Variants in SGCA observed in about 807,000 individuals in gnomAD.
SGCA encodes the protein alpha-sarcoglycan.
A neutral mutation model predicts 38.1 loss-of-function variants in SGCA; 34 were observed. That is an observed-to-expected ratio of 0.89 (90% CI 0.68 to 1.19). The LOEUF is 1.19. Ranked by LOEUF, SGCA falls within the 50% of genes most tolerant of loss-of-function variation. SGCA has a pLI of 0.00. For missense variants in SGCA, 476 were observed against 524.9 expected, an observed-to-expected ratio of 0.91 and a Z score of 0.91; for synonymous variants, 209 against 214.6, an observed-to-expected ratio of 0.97 and a Z score of 0.23.
intron 5 of SGCA, 135 bp from the exon 6 acceptor site, chr17:50,168,957 T>C (rs1905151239): frequency 1.2e-6 from 1 of 802,646 alleles, no homozygotes; most frequent in Admixed American, 1.9e-5. Context: ...CCCTTAATCC[T>C]CCCTCTTAGG....
In SGCA at chr17:50,166,021, G is replaced by A. The variant is rs1437960037; in HGVS notation, c.-20G>A. 1.2e-6 allele frequency: 2 copies of A among 1,610,980 alleles called. No homozygotes were observed. The highest frequency in any genetic ancestry group is 1.7e-6 in the Non-Finnish European group (2 of 1,177,442). ...GCCCCCTGTCTCTGTCACTCACCGGGCGGGCCAGGCCGGGCAGCCATGGCT... is the reference window on the plus strand; with the variant it reads ...GCCCCCTGTCTCTGTCACTCACCGGACGGGCCAGGCCGGGCAGCCATGGCT... On this transcript the variant is annotated 5_prime_UTR_variant, in exon 1 of 10. Coordinates refer to ENST00000262018, the MANE Select transcript of SGCA (RefSeq NM_000023.4).
In SGCA at chr17:50,169,142, T is replaced by C; in HGVS notation, c.635T>C (p.Met212Thr). 4 of 1,614,000 alleles carry C rather than the reference T, an allele frequency of 2.5e-6. No homozygotes were observed. The highest frequency in any genetic ancestry group is 1.7e-5 in the Admixed American group (1 of 60,008). ...SASPFSTCLK[M>T]VASPDSHARC... The stretch of plus-strand genomic sequence containing the variant: ...TCACCTTTTTCTACTTGCCTGAAGA[T>C]GGTGGCATCCCCCGATAGCCACGCC... Residue 212 changes from methionine (M) to threonine (T), a missense_variant, in exon 6 of 10, where the codon ATG (methionine) becomes ACG (threonine). Physicochemically the swap from Met to Thr is moderately conservative, Grantham distance 81. Transcript: ENST00000262018.
Position 50,169,122 on chromosome 17 carries a change from T to C in SGCA, c.615T>C (p.Pro205=). The C allele has an allele frequency of 6.2e-7, 1 of 1,613,676 alleles. No homozygotes were observed. ...ACATTAAGGTGGGTTCTGCCTCACC[T>C]TTTTCTACTTGCCTGAAGATGGTGG... is the stretch of plus-strand genomic sequence containing the variant. The part of the protein sequence containing the change: ...GVYIKVGSAS[P]FSTCLKMVAS... The change falls in exon 6 of 10, where the codon CCT becomes CCC. Residue 205 remains proline (P), a synonymous_variant. Coordinates refer to ENST00000262018, the MANE Select transcript of SGCA (RefSeq NM_000023.4).
intron 8 of SGCA, 37 bp from the exon 9 acceptor site, chr17:50,175,220 A>G: frequency 6.4e-7 from 1 of 1,567,972 alleles, no homozygotes; most frequent in Non-Finnish European, 8.6e-7. Flanking sequence ...AGGGCAGCTG[A>G]CTCCCAGAGC....
chr17:50,173,405 G>T (rs1382629901), intron 8 of SGCA, among the ~76,000 whole-genome samples: 2 of 149,420 alleles, frequency 1.3e-5, no homozygotes, highest in African/African-American at 4.9e-5. Context: ...CCACGTGTGT[G>T]TGTGTCTGTG....
rs138800403 is a variant in SGCA, at chr17:50,175,746, T to TC, written c.*48dup. The TC allele has an allele frequency of 2.7e-4, 156 of 582,512 alleles. 2 individuals carry two copies. Among genetic ancestry groups the TC allele is most frequent in the African/African-American group, 2.6e-3 (143 of 54,428 alleles). 36.1% of individuals were successfully genotyped at this position (582,512 alleles called of 1,614,324 possible). On this transcript the variant is annotated 3_prime_UTR_variant, in exon 10 of 10. Transcript: ENST00000262018. ...GTCCAGCCCTGACTTCATCCTCCCT[T>TC]CTCTGTCCACACCACGAGTGGCACA... is the stretch of plus-strand genomic sequence containing the variant.
chr17:50,167,901 C>T lies in SGCA; in HGVS notation c.313-46C>T, dbSNP rs772395882. On this transcript the variant is annotated intron_variant, in intron 3 of 9. Coordinates refer to ENST00000262018, the MANE Select transcript of SGCA (RefSeq NM_000023.4). This position sits in a 1 kb window ranked among gnomAD's most constrained non-coding sequence, Gnocchi z 4.5. ...CTCCTGCCAGGCCCCCGCTGTGCCA[C>T]GTTTCTCCCCTAACCCACTTCTCAG... 19 of 1,591,184 alleles carry T rather than the reference C, an allele frequency of 1.2e-5. No individual in the cohort carries two copies. In the South Asian group the frequency reaches 1.2e-4, roughly 10 times the overall value.
At position 50,168,529 on chromosome 17, in the gene SGCA, C is replaced by A. The variant is rs574376340; in HGVS notation, c.541C>A (p.Arg181Ser). 1.1e-5 allele frequency: 18 copies of A among 1,575,936 alleles called. No homozygotes were observed. In the African/African-American group the frequency reaches 1.9e-4, roughly 17 times the overall value. ...QLLNVTSALD[R>S]GGRVPLPIEG... ...GCTCAACGTCACCTCTGCCTTGGACCGTGGGGGCCGTGTCCCCCTTCCCAT... is the reference window on the plus strand; with the variant it reads ...GCTCAACGTCACCTCTGCCTTGGACAGTGGGGGCCGTGTCCCCCTTCCCAT... The change falls in exon 5 of 10, where the codon CGT (arginine) becomes AGT (serine). Residue 181 changes from arginine (R) to serine (S), a missense_variant. Arg to Ser is a moderately radical substitution (Grantham distance 110). Transcript: ENST00000262018.
rs1555569087 is a variant in SGCA, at chr17:50,169,414, T to TAA, written c.747+161_747+162insAA. The TAA allele has an allele frequency of 6.2e-6, 3 of 481,356 alleles. No homozygotes were observed. In the Admixed American group the frequency reaches 1.0e-4, roughly 17 times the overall value. The allele number at this position is 481,356 out of a possible 1,614,324, so 29.8% of individuals were successfully genotyped here. A position where few individuals can be genotyped will look rare whatever the true frequency, so the allele number is the denominator to read the frequency against. On this transcript the variant is annotated intron_variant, in intron 6 of 9. Coordinates refer to ENST00000262018, the MANE Select transcript of SGCA (RefSeq NM_000023.4). The stretch of plus-strand genomic sequence containing the variant: ...ATTGCCCACAGGCTTAGTCTGAGGA[T>TAA]ACACACACACACACACACACACACA...
chr17:50,170,495 C>T, intron 7 of SGCA, 144 bp downstream of exon 7: 1 of 1,312,556 alleles, frequency 7.6e-7, no homozygotes, highest in East Asian at 2.4e-5. Flanking sequence ...CCTTTCTAGG[C>T]AACTTGGGGC....
At chr17:50,170,695 G>A (rs1905310156) in intron 8 of SGCA, 29 bp downstream of exon 8, 1 of 1,547,592 alleles carries the variant, frequency 6.5e-7, no homozygotes, top group African/African-American at 1.4e-5. Flanking sequence ...GGGGTGGGGT[G>A]GGAGCCCACC....
intron 8 of SGCA, 126 bp downstream of exon 8, chr17:50,170,792 C>G (rs1905321793): frequency 1.2e-6 from 1 of 825,918 alleles, no homozygotes; most frequent in Admixed American, 2.1e-5. Context: ...CACCCCTTCC[C>G]TTGACCTCTG....
At chr17:50,169,055 C>G in intron 5 of SGCA, 37 bp from the exon 6 acceptor site, 2 of 1,607,394 alleles carry the variant, frequency 1.2e-6, no homozygotes, top group Non-Finnish European at 1.7e-6. Context: ...TGCCCCCTGC[C>G]CCCACTCTGC....
chr17:50,167,410 C>T lies in SGCA; in HGVS notation c.80C>T (p.Thr27Met), dbSNP rs565069721. 679 of 1,614,200 alleles carry T rather than the reference C, an allele frequency of 4.2e-4. 7 individuals carry two copies. In the South Asian group the frequency reaches 7.0e-3, roughly 17 times the overall value. Residue 27 changes from threonine to methionine, a missense_variant, in exon 2 of 10, where the codon ACG (threonine) becomes ATG (methionine). Physicochemically the swap from Thr to Met is moderately conservative, Grantham distance 81. Transcript: ENST00000262018. This position sits in a 1 kb window ranked among gnomAD's most constrained non-coding sequence, Gnocchi z 4.5. ...GLGDTEAQQT[T>M]LHPLVGRVFV... is the part of the protein sequence containing the mutation. ...GGGGACACCGAGGCCCAGCAGACCACGCTACACCCACTTGTGGGCCGTGTC... is the reference window on the plus strand; with the variant it reads ...GGGGACACCGAGGCCCAGCAGACCATGCTACACCCACTTGTGGGCCGTGTC...
At chr17:50,175,192 A>T in intron 8 of SGCA, 65 bp from the exon 9 acceptor site, 1 of 1,481,988 alleles carries the variant, frequency 6.7e-7, no homozygotes, top group South Asian at 1.2e-5. Flanking sequence ...GCTCAGAGGC[A>T]GTTCCAGGCT....
chr17:50,172,504 A>G (rs982545765), intron 8 of SGCA: 6 of 332,194 alleles, frequency 1.8e-5, no homozygotes. Context: ...TTTTAGAGAG[A>G]GGGTCTCACT....
At chr17:50,169,467 C>T in intron 6 of SGCA, 1 of 565,428 alleles carries the variant, frequency 1.8e-6, no homozygotes, top group Non-Finnish European at 3.1e-6. Context: ...CTACCTTTCC[C>T]CCACAAGAGG....
rs944884400 is a variant in SGCA, at chr17:50,175,099, A to G, written c.984-158A>G. On this transcript the variant is annotated intron_variant, in intron 8 of 9. Coordinates refer to ENST00000262018, the MANE Select transcript of SGCA (RefSeq NM_000023.4). ...GGCATGAGCCACCACGCCCGGCCCC[A>G]TAGAGCTTTCTGTTTGTTTTCTGCC... 11 of 764,108 alleles carry G rather than the reference A, an allele frequency of 1.4e-5. No individual in the cohort carries two copies. The African/African-American group carries it at 1.5e-4, about 11-fold the overall frequency. The allele number at this position is 764,108 out of a possible 1,614,324, so 47.3% of individuals were successfully genotyped here. A position where few individuals can be genotyped will look rare whatever the true frequency, so the allele number is the denominator to read the frequency against.
chr17:50,166,727 T>TCA, intron 1 of SGCA, among the ~76,000 whole-genome samples: 1 of 51,400 alleles, frequency 1.9e-5, no homozygotes, highest in East Asian at 6.3e-4. Flanking sequence ...ACACACACCC[T>TCA]CACACACACC....
Sources: allele counts gnomAD v4.1 joint callset (sites outside exome capture counted in the v4.1 genomes callset), GRCh38; gene constraint gnomAD v4.1.1; non-coding constraint Gnocchi (gnomAD v3.1); transcripts MANE v1.5; gene names NCBI Gene and HGNC (gene_info 2026-07-23, HGNC 2026-07-21).